Variants in BLVRB observed in about 807,000 individuals in gnomAD.
BLVRB encodes biliverdin reductase B, also known as flavin reductase (NADPH).
A neutral mutation model predicts 21.1 loss-of-function variants in BLVRB; 25 were observed. The ratio of observed to expected loss-of-function variants is 1.19; its 90% CI spans 0.86 to 1.66. The LOEUF (loss-of-function observed/expected upper bound fraction) is 1.66. Among genes scored for constraint, BLVRB ranks in the 40% most tolerant of loss-of-function variants. The pLI, the probability that BLVRB is intolerant of heterozygous loss-of-function variation, is 0.00. For missense variants in BLVRB, 274 were observed against 282.7 expected, an observed-to-expected ratio of 0.97 and a Z score of 0.22; for synonymous variants, 128 against 122.2, an observed-to-expected ratio of 1.05 and a Z score of -0.31.
chr19:40,459,878 T>C (rs2079779119), intron 1 of BLVRB, among the ~76,000 whole-genome samples: 1 of 152,096 alleles, frequency 6.6e-6, no homozygotes, highest in Non-Finnish European at 1.5e-5. Flanking sequence ...GCCAGCAACT[T>C]CCCTACCCTC....
intron 1 of BLVRB, among the ~76,000 whole-genome samples, chr19:40,463,246 CTAAG>C (rs2079796034): frequency 6.6e-6 from 1 of 152,178 alleles, no homozygotes; most frequent in Non-Finnish European, 1.5e-5. Flanking sequence ...GAATTTTTAC[CTAAG>C]TAAGTCTGAT....
intron 1 of BLVRB, 99 bp downstream of exon 1, chr19:40,465,511 G>A (rs1189618439): frequency 7.0e-7 from 1 of 1,433,420 alleles, no homozygotes; most frequent in Non-Finnish European, 9.5e-7. Context: ...TGGCTGGGGC[G>A]CTCATGGCCC....
intron 4 of BLVRB, among the ~76,000 whole-genome samples, chr19:40,449,736 A>C (rs2079730574): frequency 6.6e-6 from 1 of 152,254 alleles, no homozygotes; most frequent in South Asian, 2.1e-4. Context: ...ATACATATGC[A>C]TATATGTTTT....
chr19:40,453,997 T>G (rs767394585), intron 3 of BLVRB, among the ~76,000 whole-genome samples: 8 of 151,894 alleles, frequency 5.3e-5, no homozygotes, highest in African/African-American at 1.2e-4. Flanking sequence ...CAAAAAGAAA[T>G]AAATAAATAG....
chr19:40,462,976 T>G (rs889815885), intron 1 of BLVRB, among the ~76,000 whole-genome samples: 1 of 146,304 alleles, frequency 6.8e-6, no homozygotes, highest in Non-Finnish European at 1.5e-5. Flanking sequence ...AACGCATACA[T>G]ATATAATTAA....
chr19:40,454,639 G>A (rs2079754804), intron 3 of BLVRB, among the ~76,000 whole-genome samples: 2 of 150,228 alleles, frequency 1.3e-5, no homozygotes, highest in African/African-American at 4.9e-5. Flanking sequence ...TCCTCCTCCC[G>A]GGTTTACGCC....
chr19:40,448,068 G>A, intron 4 of BLVRB, 22 bp from the exon 5 acceptor site: 1 of 1,602,790 alleles, frequency 6.2e-7, no homozygotes, highest in African/African-American at 1.3e-5. Context: ...AGACAAGAGG[G>A]GCTGGATAAA....
At chr19:40,450,970 G>A (rs557227917) in intron 4 of BLVRB, among the ~76,000 whole-genome samples, 1 of 151,468 alleles carries the variant, frequency 6.6e-6, no homozygotes, top group South Asian at 2.1e-4. Context: ...CTACTCAGGA[G>A]GCTGAAGCCC....
chr19:40,465,405 C>A (rs2079807642), intron 1 of BLVRB, among the ~76,000 whole-genome samples: 1 of 152,238 alleles, frequency 6.6e-6, no homozygotes, highest in East Asian at 1.9e-4. Context: ...GGGGCCAATT[C>A]CTCTCTGGCT....
intron 1 of BLVRB, among the ~76,000 whole-genome samples, chr19:40,463,861 G>A (rs898814868): frequency 4.0e-4 from 60 of 151,326 alleles, no homozygotes; most frequent in African/African-American, 1.4e-3. Flanking sequence ...TCTGCCTCCC[G>A]GATTCAAGCT....
At chr19:40,449,676 G>A (rs116520254) in intron 4 of BLVRB, among the ~76,000 whole-genome samples, 1 of 152,276 alleles carries the variant, frequency 6.6e-6, no homozygotes, top group African/African-American at 2.4e-5. Flanking sequence ...TAGGTATTTA[G>A]GAGTTAAGTG....
At chr19:40,453,181 G>A (rs1366726551) in intron 3 of BLVRB, among the ~76,000 whole-genome samples, 5 of 152,308 alleles carry the variant, frequency 3.3e-5, no homozygotes, top group African/African-American at 9.6e-5. Context: ...AAAATGCTGC[G>A]ATTACAGGTG....
intron 3 of BLVRB, among the ~76,000 whole-genome samples, chr19:40,452,195 C>T (rs1024891650): frequency 6.6e-6 from 1 of 152,226 alleles, no homozygotes; most frequent in East Asian, 1.9e-4. Context: ...GCCCCATCAG[C>T]CCTCTGACGT....
intron 3 of BLVRB, among the ~76,000 whole-genome samples, chr19:40,452,541 C>A (rs555530442): frequency 6.6e-6 from 1 of 151,576 alleles, no homozygotes; most frequent in East Asian, 1.9e-4. Flanking sequence ...AGTGCAATGG[C>A]ATGATACCGG....
chr19:40,461,151 G>C (rs1265141092), intron 1 of BLVRB, among the ~76,000 whole-genome samples: 1 of 152,122 alleles, frequency 6.6e-6, no homozygotes, highest in African/African-American at 2.4e-5. Flanking sequence ...CCAAAGTGCT[G>C]GGATTACAGG....
chr19:40,464,128 C>T (rs2079800328), intron 1 of BLVRB, among the ~76,000 whole-genome samples: 1 of 152,068 alleles, frequency 6.6e-6, no homozygotes, highest in Non-Finnish European at 1.5e-5. Flanking sequence ...CCCTGTCACC[C>T]AGGCTGGAGT....
intron 3 of BLVRB, among the ~76,000 whole-genome samples, chr19:40,454,075 C>T (rs2079751954): frequency 6.6e-6 from 1 of 152,202 alleles, no homozygotes; most frequent in Non-Finnish European, 1.5e-5. Context: ...AAGCCAGACT[C>T]TGTCGCAACA....
chr19:40,447,927 C>G lies in BLVRB; in HGVS notation c.583G>C (p.Asp195His), dbSNP rs376563591. 2.5e-6 allele frequency: 4 copies of G among 1,613,946 alleles called. No homozygotes were observed. The highest frequency in any genetic ancestry group is 3.4e-6 in the Non-Finnish European group (4 of 1,180,020). ...MLRCLTTDEY[D>H]GHSTYPSHQY... is the part of the protein sequence containing the mutation. Reference sequence around the variant, plus strand: ...TGGGAGGGGTAGGTGCTGTGTCCGTCGTACTCATCGGTGGTGAGGCAGCGC... The same window carrying G: ...TGGGAGGGGTAGGTGCTGTGTCCGTGGTACTCATCGGTGGTGAGGCAGCGC... Residue 195 changes from aspartate to histidine, a missense_variant, in exon 5 of 5, where the codon GAC becomes CAC. Transcript: ENST00000263368.
At position 40,458,206 on chromosome 19, in the gene BLVRB, C is replaced by T. The variant is rs773382989; in HGVS notation, c.283G>A (p.Val95Met). ...ACACCATGAGCCTTCATGGCTGCCA[C>T]AATGTTCCGGGCGCCCTCGGACATC... is the stretch of plus-strand genomic sequence containing the variant. ...TVMSEGARNI[V>M]AAMKAHGVDK... The change falls in exon 3 of 5, where the codon GTG becomes ATG. Residue 95 changes from valine (V) to methionine (M), a missense_variant. Physicochemically the swap from Val to Met is conservative, Grantham distance 21 (BLOSUM62 1). Coordinates refer to ENST00000263368, the MANE Select transcript of BLVRB (RefSeq NM_000713.3). 2 of 1,613,682 alleles carry T rather than the reference C, an allele frequency of 1.2e-6. No individual in the cohort carries two copies. The highest frequency in any genetic ancestry group is 1.3e-5 in the African/African-American group (1 of 75,020).
Sources: allele counts gnomAD v4.1 joint callset (sites outside exome capture counted in the v4.1 genomes callset), GRCh38; gene constraint gnomAD v4.1.1; transcripts MANE v1.5; gene names NCBI Gene and HGNC (gene_info 2026-07-23, HGNC 2026-07-21).